The following PDE1C variants were observed in gnomAD, a reference collection of about 807,000 sequenced individuals.
The protein encoded by PDE1C is phosphodiesterase 1C.
PDE1C carries 62 observed loss-of-function variants against 93.1 expected under a neutral mutation model. The ratio of observed to expected loss-of-function variants is 0.67; its 90% CI spans 0.54 to 0.82. The LOEUF is 0.82. Ranked by LOEUF, PDE1C falls within the 40% of genes least tolerant of loss-of-function variation. The pLI is 0.00. For missense variants in PDE1C, 742 were observed against 884.6 expected (o/e 0.84, Z 2.04); for synonymous variants, 325 against 310.1 (o/e 1.05, Z -0.50).
chr7:32,115,282 C>A (rs1798925248), intron 3 of PDE1C, among the ~76,000 whole-genome samples: 1 of 152,138 alleles, frequency 6.6e-6, no homozygotes, highest in Admixed American at 6.5e-5. Context: ...GAATACTATG[C>A]AGCCATAAAA....
At chr7:32,403,786 G>T (rs1159936623) in intron 1 of PDE1C, among the ~76,000 whole-genome samples, 1 of 152,192 alleles carries the variant, frequency 6.6e-6, no homozygotes, top group African/African-American at 2.4e-5. Flanking sequence ...AACAGATTCA[G>T]TGATGCATGC....
At chr7:32,396,792 G>A (rs1309162325) in intron 1 of PDE1C, among the ~76,000 whole-genome samples, 1 of 151,988 alleles carries the variant, frequency 6.6e-6, no homozygotes, top group African/African-American at 2.4e-5. Context: ...TAAATCACAG[G>A]GAAATGTAAT....
At chr7:32,254,883 G>C (rs1809671527) in intron 1 of PDE1C, among the ~76,000 whole-genome samples, 1 of 152,090 alleles carries the variant, frequency 6.6e-6, no homozygotes, top group South Asian at 2.1e-4. Flanking sequence ...AATTCCCCCA[G>C]ACCCCACCCA....
intron 3 of PDE1C, among the ~76,000 whole-genome samples, chr7:32,148,176 A>T (rs1402614855): frequency 6.6e-6 from 1 of 152,072 alleles, no homozygotes; most frequent in African/African-American, 2.4e-5. Context: ...CACTACTATG[A>T]ATCACACATC....
At chr7:32,171,932 GT>G (rs1304412183) in intron 2 of PDE1C, among the ~76,000 whole-genome samples, 1 of 148,312 alleles carries the variant, frequency 6.7e-6, no homozygotes, top group Non-Finnish European at 1.5e-5. Flanking sequence ...CCATGCTAAG[GT>G]AAGAGGTTAA....
rs188480490 is a variant in PDE1C, at chr7:31,768,953, G to A, written c.1960+6711C>T. Among the ~76,000 whole-genome samples the A allele has an allele frequency of 3.9e-3, 591 of 152,126 alleles. 5 individuals carry two copies. The highest frequency in any genetic ancestry group is 0.014 in the African/African-American group (563 of 41,520). On this transcript the variant is annotated intron_variant, in intron 17 of 17. Transcript: ENST00000396191. ...CGGGACCACAGGCACGTGCCACCACGCCTGGCTAATTTTTGTATTTTTAGT... is the reference window on the plus strand; with the variant it reads ...CGGGACCACAGGCACGTGCCACCACACCTGGCTAATTTTTGTATTTTTAGT...
intron 2 of PDE1C, among the ~76,000 whole-genome samples, chr7:31,881,932 A>T (rs1797304314): frequency 6.6e-6 from 1 of 152,222 alleles, no homozygotes; most frequent in African/African-American, 2.4e-5. Context: ...CAAGATATTT[A>T]AAATGATTGT....
At chr7:32,090,859 C>T (rs1797431615) in intron 3 of PDE1C, among the ~76,000 whole-genome samples, 1 of 152,204 alleles carries the variant, frequency 6.6e-6, no homozygotes, top group Non-Finnish European at 1.5e-5. Flanking sequence ...CAAGCCAGCA[C>T]ATATGTGTGC....
intron 7 of PDE1C, among the ~76,000 whole-genome samples, chr7:31,862,457 C>T (rs905820006): frequency 1.3e-5 from 2 of 151,894 alleles, no homozygotes; most frequent in Non-Finnish European, 2.9e-5. Flanking sequence ...TGCCATAGGC[C>T]GGGTGACTTA....
intron 16 of PDE1C, among the ~76,000 whole-genome samples, chr7:31,801,514 C>G (rs1786037918): frequency 6.6e-6 from 1 of 151,364 alleles, no homozygotes; most frequent in African/African-American, 2.4e-5. Flanking sequence ...CCAATTATGT[C>G]AAGTTGATTG....
intron 1 of PDE1C, among the ~76,000 whole-genome samples, chr7:32,234,457 T>C (rs1386687970): frequency 1.3e-5 from 2 of 151,794 alleles, no homozygotes; most frequent in African/African-American, 2.4e-5. Context: ...CCTGCAGACA[T>C]TGAAAAGATA....
chr7:31,959,648 G>C (rs10232428), intron 2 of PDE1C, among the ~76,000 whole-genome samples: 9,302 of 152,232 alleles, frequency 0.061, 416 homozygotes, highest in Non-Finnish European at 0.094. Flanking sequence ...AGGATATCAT[G>C]ATAGGGTGAT....
intron 2 of PDE1C, among the ~76,000 whole-genome samples, chr7:32,204,236 A>G (rs1480690929): frequency 6.6e-6 from 1 of 152,186 alleles, no homozygotes; most frequent in Non-Finnish European, 1.5e-5. Flanking sequence ...TCAGAGCAGC[A>G]CTCAAATCAA....
chr7:31,789,922 A>G (rs1784388331), intron 16 of PDE1C: 5 of 1,139,968 alleles, frequency 4.4e-6, no homozygotes, highest in Non-Finnish European at 5.4e-6. Flanking sequence ...GATGCCTTGA[A>G]AGCCAGGTCA....
chr7:32,004,511 G>A (rs1200598856), intron 2 of PDE1C, among the ~76,000 whole-genome samples: 1 of 152,186 alleles, frequency 6.6e-6, no homozygotes, highest in Non-Finnish European at 1.5e-5. Flanking sequence ...GCTAGTCCAA[G>A]TGAGTCCTGG....
the PDE1C span, among the ~76,000 whole-genome samples, chr7:31,638,355 T>C: frequency 2.6e-4 from 40 of 152,326 alleles, no homozygotes; most frequent in South Asian, 8.3e-4. Context: ...AAACAGCTGT[T>C]CTATTACTCA....
At chr7:32,205,911 G>GAAGA (rs919782794) in intron 2 of PDE1C, among the ~76,000 whole-genome samples, 7 of 152,094 alleles carry the variant, frequency 4.6e-5, no homozygotes, top group Admixed American at 3.9e-4. Flanking sequence ...AAATCTTAAG[G>GAAGA]AACAAACTAT....
At chr7:31,980,480 G>A (rs1364224190) in intron 2 of PDE1C, among the ~76,000 whole-genome samples, 1 of 152,132 alleles carries the variant, frequency 6.6e-6, no homozygotes, top group Non-Finnish European at 1.5e-5. Context: ...TCACAAGATT[G>A]CTATTTTTTC....
the PDE1C span, among the ~76,000 whole-genome samples, chr7:31,636,500 T>C: frequency 1.2e-4 from 19 of 152,238 alleles, no homozygotes; most frequent in African/African-American, 3.4e-4. Context: ...TCAAAACATA[T>C]AGAAAAAGCA....
Sources: gnomAD v4.1 joint callset for allele counts (sites outside exome capture counted in the v4.1 genomes callset) on GRCh38, gnomAD v4.1.1 for gene constraint, MANE v1.5 for transcripts, NCBI Gene and HGNC (gene_info 2026-07-23, HGNC 2026-07-21) for gene names.